The following FAM9C variants were observed in gnomAD, a reference collection of about 807,000 sequenced individuals.
FAM9C encodes protein FAM9C.
A neutral mutation model predicts 14.8 loss-of-function variants in FAM9C; 15 were observed. That is an observed-to-expected ratio of 1.02 (90% CI 0.68 to 1.56). FAM9C has a LOEUF of 1.56. Among genes scored for constraint, FAM9C ranks in the 40% most tolerant of loss-of-function variants. FAM9C has a pLI of 0.00. For synonymous variants in FAM9C, 45 were observed against 37.5 expected (o/e 1.20, Z -0.74); for missense variants, 116 against 118.0 (o/e 0.98, Z 0.08).
intron 2 of FAM9C, 66 bp downstream of exon 2, chrX:13,043,663 C>T: frequency 8.5e-7 from 1 of 1,180,606 alleles, no homozygotes; most frequent in Non-Finnish European, 1.2e-6. Flanking sequence ...CATGTGCGCC[C>T]CGCCCAGAAA....
rs1215880247 is a variant in FAM9C at position 13,035,774 on chromosome X, G to A, written c.*270C>T. 1 of 112,365 alleles carries A rather than the reference G, an allele frequency of 8.9e-6. No individual in the cohort carries two copies. Among genetic ancestry groups the A allele is most frequent in the Non-Finnish European group, 1.9e-5 (1 of 53,186 alleles). The allele number at this position is 112,365 out of a possible 1,213,427, so 9.3% of individuals were successfully genotyped here. A position where few individuals can be genotyped will look rare whatever the true frequency, so the allele number is the denominator to read the frequency against. On this transcript the variant is annotated 3_prime_UTR_variant, in exon 8 of 8. Transcript: ENST00000380625. Reference sequence around the variant, plus strand: ...CTGTGTATGTAACTGTGCAATTGCTGCTTTCTCACAGAACTGTCTAGGGTT... The same window carrying A: ...CTGTGTATGTAACTGTGCAATTGCTACTTTCTCACAGAACTGTCTAGGGTT...
At chrX:13,038,541 A>G in intron 6 of FAM9C, 38 bp from the exon 7 acceptor site, 1 of 1,101,916 alleles carries the variant, frequency 9.1e-7, no homozygotes, top group South Asian at 2.0e-5. Flanking sequence ...AAAATTGGGT[A>G]AATTTTAATA....
chrX:13,042,705 T>C, intron 4 of FAM9C: 1 of 469,028 alleles, frequency 2.1e-6, no homozygotes, highest in East Asian at 3.8e-5. Context: ...AAGCCACCCC[T>C]CTTGCTTCAC....
rs1375901405 is a variant in FAM9C at position 13,042,932 on chromosome X, A to C, written c.200T>G (p.Leu67Arg). The C allele has an allele frequency of 1.7e-6, 2 of 1,201,018 alleles. No homozygotes were observed. ...GTAAAACATACCTGCAATATCTTCT[A>C]GCTCCTTGGTATCAACCCTGTAACA... ...DEHTGVDTKE[L>R]EDIAADIKEH... Residue 67 changes from leucine (L) to arginine (R), a missense_variant, in exon 4 of 8, where the codon CTA becomes CGA. Transcript: ENST00000380625.
intron 2 of FAM9C, among the ~76,000 whole-genome samples, chrX:13,043,486 C>A (rs1040960089): frequency 8.9e-6 from 1 of 112,394 alleles, no homozygotes; most frequent in Non-Finnish European, 1.9e-5. Context: ...ATGTCAGGAC[C>A]GCATCCATGG....
In FAM9C at chrX:13,043,255, T is replaced by A. The variant is rs778186151; in HGVS notation, c.62-7A>T. The A allele has an allele frequency of 8.4e-7, 1 of 1,190,945 alleles. No individual in the cohort carries two copies. Among genetic ancestry groups the A allele is most frequent in the Non-Finnish European group, 1.1e-6 (1 of 888,748 alleles). On this transcript the variant is annotated splice_polypyrimidine_tract_variant and splice_region_variant and intron_variant, in intron 2 of 7. Transcript: ENST00000380625. ...TGACTTACTGGATCCTTTCCTGCATTAAAATAAAAAAGACAAACCTTTTTT... is the reference window on the plus strand; with the variant it reads ...TGACTTACTGGATCCTTTCCTGCATAAAAATAAAAAAGACAAACCTTTTTT...
In FAM9C at chrX:13,042,915, T is replaced by TA. The variant is rs1207303801; in HGVS notation, c.214+2dup. On this transcript the variant is annotated splice_region_variant and intron_variant, in intron 4 of 7. Transcript: ENST00000380625. ...TAAACCACAAATAGCTCGTAAAACA[T>TA]ACCTGCAATATCTTCTAGCTCCTTG... 8 of 1,205,694 alleles carry TA rather than the reference T, an allele frequency of 6.6e-6. No homozygotes were observed. Among genetic ancestry groups the TA allele is most frequent in the Non-Finnish European group, 9.0e-6 (8 of 893,555 alleles).
chrX:13,043,584 A>G, intron 2 of FAM9C, 145 bp downstream of exon 2: 2 of 710,251 alleles, frequency 2.8e-6, no homozygotes. Flanking sequence ...TGCTTTGAAA[A>G]CCTGGGGCAT....
intron 6 of FAM9C, 145 bp downstream of exon 6, chrX:13,039,663 A>G (rs2043509018): frequency 1.1e-6 from 1 of 949,631 alleles, no homozygotes; most frequent in Non-Finnish European, 1.4e-6. Context: ...CATGGCAATT[A>G]TATTCCCCTA....
Position 13,043,751 on chromosome X carries a change from G to A in FAM9C, c.39C>T (p.Ala13=), listed in dbSNP as rs1242243246. ...AKDQLEVQVM[A]AQEMELAGKD... ...TACCTGCAAGCTCCATTTCCTGGGC[G>A]GCCATAACTTGAACCTCCAACTGGT... is the stretch of plus-strand genomic sequence containing the variant. Residue 13 remains alanine (A), a synonymous_variant, in exon 2 of 8, where the codon GCC becomes GCT. Transcript: ENST00000380625. The A allele has an allele frequency of 1.1e-5, 13 of 1,210,830 alleles. No individual in the cohort carries two copies. The highest frequency in any genetic ancestry group is 1.5e-5 in the Non-Finnish European group (13 of 895,266).
chrX:13,037,400 C>T (rs1225404396), intron 7 of FAM9C: 1 of 112,553 alleles, frequency 8.9e-6, no homozygotes, highest in African/African-American at 3.3e-5. Context: ...GAAGTTCCTA[C>T]CCTAAGTGGT....
chrX:13,043,445 G>T (rs1476514509), intron 2 of FAM9C, among the ~76,000 whole-genome samples, 197 bp from the exon 3 acceptor site: 1 of 112,435 alleles, frequency 8.9e-6, no homozygotes, highest in Non-Finnish European at 1.9e-5. Flanking sequence ...TCAAGTCCCA[G>T]TAAACAACGT....
intron 2 of FAM9C, 49 bp from the exon 3 acceptor site, chrX:13,043,297 G>C (rs762981558): frequency 4.3e-6 from 5 of 1,159,061 alleles, no homozygotes; most frequent in Middle Eastern, 2.4e-4. Context: ...AGACGCTGTT[G>C]TGGACATTTT....
intron 7 of FAM9C, chrX:13,036,973 G>A (rs149918802): frequency 9.0e-6 from 1 of 111,508 alleles, no homozygotes; most frequent in Non-Finnish European, 1.9e-5. Flanking sequence ...AGCAAAGCAT[G>A]AGAGTAATGG....
chrX:13,039,449 C>A (rs755140309), intron 6 of FAM9C, among the ~76,000 whole-genome samples: 1 of 111,487 alleles, frequency 9.0e-6, no homozygotes, highest in African/African-American at 3.3e-5. Context: ...GGTAACTCAG[C>A]CCCAGCTGAA....
chrX:13,043,360 C>T (rs2043544897), intron 2 of FAM9C, 112 bp from the exon 3 acceptor site: 1 of 988,978 alleles, frequency 1.0e-6, no homozygotes, highest in East Asian at 3.1e-5. Flanking sequence ...CCAATTAAAG[C>T]TTTACCGCAG....
Position 13,043,846 on chromosome X carries a change from C to T in FAM9C, c.-57G>A. On this transcript the variant is annotated 5_prime_UTR_variant, in exon 2 of 8. Transcript: ENST00000380625. ...GCTGACTGGCCTGGGAAGCTAGAGGCGACCTCTGAACCTGGTGAGTGCAAA... is the reference window on the plus strand; with the variant it reads ...GCTGACTGGCCTGGGAAGCTAGAGGTGACCTCTGAACCTGGTGAGTGCAAA... 8.9e-7 allele frequency: 1 copy of T among 1,126,959 alleles called. No individual in the cohort carries two copies. Among genetic ancestry groups the T allele is most frequent in the Non-Finnish European group, 1.2e-6 (1 of 819,403 alleles). The allele number at this position is 1,126,959 out of a possible 1,213,427, so 92.9% of individuals were successfully genotyped here. A position where few individuals can be genotyped will look rare whatever the true frequency, so the allele number is the denominator to read the frequency against.
chrX:13,040,055 A>G (rs762786631), intron 5 of FAM9C, 139 bp from the exon 6 acceptor site: 1 of 524,040 alleles, frequency 1.9e-6, no homozygotes, highest in East Asian at 4.1e-5. Context: ...TCTTTTTGGG[A>G]AAAGGTGAAA....
At chrX:13,040,419 T>C (rs1398333345) in intron 5 of FAM9C, 2 of 401,094 alleles carry the variant, frequency 5.0e-6, no homozygotes, top group East Asian at 1.6e-4. Context: ...TTCTACATAA[T>C]TGAATATTGT....
Sources: allele counts gnomAD v4.1 joint callset (sites outside exome capture counted in the v4.1 genomes callset), GRCh38; gene constraint gnomAD v4.1.1; transcripts MANE v1.5; gene names NCBI Gene and HGNC (gene_info 2026-07-23, HGNC 2026-07-21).